The following TEKT3 variants were observed in gnomAD, a reference collection of about 807,000 sequenced individuals.
TEKT3 encodes the protein tektin 3.
Under a neutral mutation model 49.8 loss-of-function variants are expected in TEKT3, and 49 were observed. The observed-to-expected ratio is 0.98, with a 90% CI of 0.78 to 1.25. The LOEUF is 1.25. Ranked by LOEUF, TEKT3 falls within the 50% of genes most tolerant of loss-of-function variation. The probability of loss-of-function intolerance (pLI) is 0.00; values close to 1 mark genes in which losing one functional copy is unlikely to be tolerated. For synonymous variants in TEKT3, 225 were observed against 237.2 expected (o/e 0.95, Z 0.47); for missense variants, 595 against 629.5 (o/e 0.95, Z 0.59).
chr17:15,308,435 T>C (rs1597656359), intron 8 of TEKT3, among the ~76,000 whole-genome samples: 1 of 152,308 alleles, frequency 6.6e-6, no homozygotes, highest in South Asian at 2.1e-4. Context: ...TCAGTGGCAT[T>C]AAGTACATTC....
chr17:15,317,612 C>T (rs770120708), intron 5 of TEKT3, among the ~76,000 whole-genome samples: 10 of 152,172 alleles, frequency 6.6e-5, no homozygotes, highest in Admixed American at 2.0e-4. Flanking sequence ...GCAGCATGGA[C>T]GCTTTTATAA....
At chr17:15,329,199 T>C (rs1911612886) in intron 3 of TEKT3, among the ~76,000 whole-genome samples, 1 of 152,208 alleles carries the variant, frequency 6.6e-6, no homozygotes, top group Admixed American at 6.5e-5. Context: ...TTGATTTAAT[T>C]TGTATTTTAT....
rs774361219 is a variant in TEKT3 at position 15,331,409 on chromosome 17, G to A, written c.177C>T (p.Ala59=). ...PWRPSTYYKV[A]SNSPSVAPYC... is the part of the protein sequence containing the mutation. Reference sequence around the variant, plus strand: ...ACGGGGCCACGCTTGGGGAATTGGAGGCGACTTTGTAGTATGTGCTGGGTC... The same window carrying A: ...ACGGGGCCACGCTTGGGGAATTGGAAGCGACTTTGTAGTATGTGCTGGGTC... Residue 59 remains alanine (A), a synonymous_variant, in exon 3 of 9, where the codon GCC becomes GCT. Coordinates refer to ENST00000395930, the MANE Select transcript of TEKT3 (RefSeq NM_031898.3). The A allele has an allele frequency of 1.2e-6, 2 of 1,614,136 alleles. No homozygotes were observed. The highest frequency in any genetic ancestry group is 2.2e-5 in the South Asian group (2 of 91,068).
At chr17:15,325,053 T>C (rs1911432562) in intron 4 of TEKT3, among the ~76,000 whole-genome samples, 1 of 152,252 alleles carries the variant, frequency 6.6e-6, no homozygotes, top group Non-Finnish European at 1.5e-5. Flanking sequence ...CTTGGCATCA[T>C]TGTCAAAGAT....
chr17:15,319,452 T>TA (rs80001871), intron 4 of TEKT3, among the ~76,000 whole-genome samples: 91 of 146,854 alleles, frequency 6.2e-4, no homozygotes, highest in South Asian at 2.8e-3. Context: ...ATTAAAACAG[T>TA]AAAAAAAAAA....
At position 15,304,124 on chromosome 17, in the gene TEKT3, C is replaced by T. The variant is rs141487360; in HGVS notation, c.1285G>A (p.Asp429Asn). 146 of 1,614,020 alleles carry T rather than the reference C, an allele frequency of 9.0e-5. No homozygotes were observed. Among genetic ancestry groups the T allele is most frequent in the Middle Eastern group, 1.6e-4 (1 of 6,082 alleles). The change falls in exon 9 of 9, where the codon GAC becomes AAC. Residue 429 changes from aspartate (D) to asparagine (N), a missense_variant. By Grantham distance (23) the Asp-to-Asn change is conservative. Coordinates refer to ENST00000395930, the MANE Select transcript of TEKT3 (RefSeq NM_031898.3). The surrounding 1 kb of genome is among the most constrained non-coding windows in gnomAD (Gnocchi z 4.7). Reference protein sequence around the residue: ...RLVNEVHEVDDTIQTLQQRLR... With the variant: ...RLVNEVHEVDNTIQTLQQRLR... ...CGCTGCTGCAGGGTCTGGATGGTGT[C>T]GTCAACCTCGTGTACCTCGTTAACA...
upstream of TEKT3, among the ~76,000 whole-genome samples, chr17:15,342,507 G>C (rs577475120): frequency 6.8e-4 from 103 of 152,304 alleles, no homozygotes; most frequent in African/African-American, 2.4e-3. Context: ...GGAGGGACTT[G>C]CCAGGATAAG....
At chr17:15,309,019 C>T (rs1351860460) in intron 7 of TEKT3, among the ~76,000 whole-genome samples, 1 of 152,164 alleles carries the variant, frequency 6.6e-6, no homozygotes. Context: ...TGCACCTGCT[C>T]TGGAGAGTGG....
In TEKT3 at chr17:15,304,229, C is replaced by A. The variant is rs77173679; in HGVS notation, c.1257-77G>T. On this transcript the variant is annotated intron_variant, in intron 8 of 8. Coordinates refer to ENST00000395930, the MANE Select transcript of TEKT3 (RefSeq NM_031898.3). This position sits in a 1 kb window ranked among gnomAD's most constrained non-coding sequence, Gnocchi z 4.7. Reference sequence around the variant, plus strand: ...TCCAAGTACATCACATTGTAACCAGCGATGCAAAGCTCACATTTTCTTTAC... The same window carrying A: ...TCCAAGTACATCACATTGTAACCAGAGATGCAAAGCTCACATTTTCTTTAC... The A allele has an allele frequency of 2.1e-6, 3 of 1,410,872 alleles. No homozygotes were observed. The East Asian group carries it at 7.0e-5, about 33-fold the overall frequency. The allele number at this position is 1,410,872 out of a possible 1,614,324, so 87.4% of individuals were successfully genotyped here.
At chr17:15,325,085 G>C (rs1911434966) in intron 4 of TEKT3, among the ~76,000 whole-genome samples, 1 of 152,200 alleles carries the variant, frequency 6.6e-6, no homozygotes, top group African/African-American at 2.4e-5. Context: ...AAATGTGATG[G>C]TTTATTTCTC....
At chr17:15,339,227 G>C (rs1216484333) in intron 2 of TEKT3, among the ~76,000 whole-genome samples, 1 of 152,088 alleles carries the variant, frequency 6.6e-6, no homozygotes, top group East Asian at 1.9e-4. Flanking sequence ...TTATGATGTA[G>C]CAAGAAGACC....
At chr17:15,307,045 A>C (rs567529082) in intron 8 of TEKT3, 1 of 152,392 alleles carries the variant, frequency 6.6e-6, no homozygotes, top group Non-Finnish European at 1.5e-5. Flanking sequence ...CACCAGGAGA[A>C]ATACAACTCA....
intron 2 of TEKT3, among the ~76,000 whole-genome samples, chr17:15,336,762 A>G (rs181895237): frequency 6.6e-6 from 1 of 152,336 alleles, no homozygotes; most frequent in Non-Finnish European, 1.5e-5. Context: ...ATATACTGTG[A>G]TAAGTTAAAA....
In TEKT3 at chr17:15,319,160, A is replaced by G; in HGVS notation, c.664-13T>C. ...TAGTATCAACTTCCTACTCAATTGGAAAAAAAACATATTAATGTTTTCATT... is the reference window on the plus strand; with the variant it reads ...TAGTATCAACTTCCTACTCAATTGGGAAAAAAACATATTAATGTTTTCATT... On this transcript the variant is annotated splice_polypyrimidine_tract_variant and intron_variant, in intron 4 of 8. Coordinates refer to ENST00000395930, the MANE Select transcript of TEKT3 (RefSeq NM_031898.3). 1 of 1,581,760 alleles carries G rather than the reference A, an allele frequency of 6.3e-7. No individual in the cohort carries two copies. Among genetic ancestry groups the G allele is most frequent in the South Asian group, 1.2e-5 (1 of 85,128 alleles).
intron 2 of TEKT3, among the ~76,000 whole-genome samples, chr17:15,333,168 C>A (rs376344234): frequency 3.9e-5 from 6 of 152,208 alleles, no homozygotes; most frequent in Middle Eastern, 3.4e-3. Flanking sequence ...CAGACCACTA[C>A]GTATCTTTTA....
At chr17:15,307,805 T>A (rs1253115674) in intron 8 of TEKT3, among the ~76,000 whole-genome samples, 8 of 152,098 alleles carry the variant, frequency 5.3e-5, no homozygotes, top group Admixed American at 3.9e-4. Flanking sequence ...GCATGGAGCA[T>A]CTTAGGACCT....
intron 7 of TEKT3, 100 bp from the exon 8 acceptor site, chr17:15,308,918 T>A: frequency 7.1e-7 from 1 of 1,412,854 alleles, no homozygotes; most frequent in Non-Finnish European, 9.7e-7. Context: ...GCACGTGCCT[T>A]GACCTCGCTG....
At chr17:15,327,969 T>G (rs781661023) in intron 4 of TEKT3, 23 bp downstream of exon 4, 1 of 1,604,600 alleles carries the variant, frequency 6.2e-7, no homozygotes, top group Admixed American at 1.7e-5. Flanking sequence ...TGCCTGTGAC[T>G]GATGCATTTC....
intron 3 of TEKT3, among the ~76,000 whole-genome samples, chr17:15,329,009 G>A (rs957815982): frequency 3.3e-5 from 5 of 152,028 alleles, no homozygotes; most frequent in African/African-American, 4.8e-5. Context: ...AAGAATTAAC[G>A]GGTAGAGGGG....
Sources: gnomAD v4.1 joint callset for allele counts (sites outside exome capture counted in the v4.1 genomes callset) on GRCh38, gnomAD v4.1.1 for gene constraint, Gnocchi (gnomAD v3.1) non-coding constraint, MANE v1.5 for transcripts, NCBI Gene and HGNC (gene_info 2026-07-23, HGNC 2026-07-21) for gene names.